Variants in UFL1 observed in about 807,000 individuals in gnomAD.
UFL1 encodes the protein UFM1 specific ligase 1.
A neutral mutation model predicts 99.3 loss-of-function variants in UFL1; 78 were observed. That is an observed-to-expected ratio of 0.79 (90% CI 0.65 to 0.95). UFL1 has a LOEUF of 0.95. Among genes scored for constraint, UFL1 ranks in the 40% least tolerant of loss-of-function variants. The pLI, the probability that UFL1 is intolerant of heterozygous loss-of-function variation, is 0.00. For missense variants in UFL1, 936 were observed against 937.0 expected (o/e 1.00, Z 0.01); for synonymous variants, 335 against 322.2 (o/e 1.04, Z -0.42).
Position 96,523,101 on chromosome 6 carries a change from A to G in UFL1, c.78-45A>G, listed in dbSNP as rs199553936. 507 of 1,551,418 alleles carry G rather than the reference A, an allele frequency of 3.3e-4. 2 individuals carry two copies. The highest frequency in any genetic ancestry group is 1.7e-3 in the Middle Eastern group (10 of 5,818). ...ATTGTATTAATTTTATTGAGCGCCA[A>G]TGTCTCAAGTGGACTTTTGAAACAA... On this transcript the variant is annotated intron_variant, in intron 1 of 18. Transcript: ENST00000369278.
At chr6:96,552,460 G>A in intron 17 of UFL1, 22 bp from the exon 18 acceptor site, 2 of 1,500,326 alleles carry the variant, frequency 1.3e-6, no homozygotes, top group Non-Finnish European at 1.8e-6. Flanking sequence ...TAATGAATTT[G>A]TGTGCTTTTT....
At position 96,553,721 on chromosome 6, in the gene UFL1, G is replaced by T. The variant is rs1770114864; in HGVS notation, c.*218G>T. ...TCTTCATGGAAGTTTTTTTCCACCT[G>T]ATTTTCACACAAATACTATATGAAA... On this transcript the variant is annotated 3_prime_UTR_variant, in exon 19 of 19. Transcript: ENST00000369278. 2.5e-6 allele frequency: 1 copy of T among 403,404 alleles called. No homozygotes were observed. Among genetic ancestry groups the T allele is most frequent in the East Asian group, 3.6e-5 (1 of 28,086 alleles). 25.0% of individuals were successfully genotyped at this position (403,404 alleles called of 1,614,324 possible).
Position 96,521,865 on chromosome 6 carries a change from C to A in UFL1, c.-9C>A. 6.2e-7 allele frequency: 1 copy of A among 1,610,804 alleles called. No homozygotes were observed. Among genetic ancestry groups the A allele is most frequent in the Non-Finnish European group, 8.5e-7 (1 of 1,178,970 alleles). ...CAGTTCCTCCGCGTCTACTGCGAGT[C>A]AGGCCGTGATGGCGGACGCCTGGGA... On this transcript the variant is annotated 5_prime_UTR_variant, in exon 1 of 19. Transcript: ENST00000369278.
rs778102518 is a variant in UFL1 at position 96,534,340 on chromosome 6, A to G, written c.655+19A>G. ...CTTTACTGTGAGTTTGGTTTAAATT[A>G]TATTTACTTAATTAGCTGCTGAATA... On this transcript the variant is annotated intron_variant, in intron 7 of 18. Transcript: ENST00000369278. 2.0e-6 allele frequency: 3 copies of G among 1,522,160 alleles called. No homozygotes were observed. The highest frequency in any genetic ancestry group is 2.7e-6 in the Non-Finnish European group (3 of 1,124,728). 94.3% of individuals were successfully genotyped at this position (1,522,160 alleles called of 1,614,324 possible).
At chr6:96,551,387 C>A in intron 15 of UFL1, 46 bp from the exon 16 acceptor site, 1 of 1,017,516 alleles carries the variant, frequency 9.8e-7, no homozygotes, top group Non-Finnish European at 1.5e-6. Flanking sequence ...ATATCCATTG[C>A]ATGTCAAAAG....
At chr6:96,534,661 A>T (rs1234479065) in intron 7 of UFL1, among the ~76,000 whole-genome samples, 2 of 151,962 alleles carry the variant, frequency 1.3e-5, no homozygotes, top group African/African-American at 4.8e-5. Context: ...ATTTTGTTAC[A>T]TTATCTAATA....
chr6:96,543,279 T>C (rs1769955729), intron 12 of UFL1, among the ~76,000 whole-genome samples: 1 of 151,164 alleles, frequency 6.6e-6, no homozygotes, highest in South Asian at 2.1e-4. Flanking sequence ...CACAAATCAG[T>C]ACATAAATAA....
intron 18 of UFL1, 30 bp downstream of exon 18, chr6:96,552,692 TC>T: frequency 6.4e-7 from 1 of 1,554,628 alleles, no homozygotes. Context: ...CTTGAAACTT[TC>T]AAAGATTTAC....
In UFL1 at chr6:96,553,547, A is replaced by G. The variant is rs375080366; in HGVS notation, c.*44A>G. 3.1e-5 allele frequency: 48 copies of G among 1,568,898 alleles called. No homozygotes were observed. The African/African-American group carries it at 5.7e-4, about 19-fold the overall frequency. ...GTCATATAGTAAGCATTTTCCCCCA[A>G]GGTTGAAGGTGAGTGGTCACAAAAA... is the stretch of plus-strand genomic sequence containing the variant. On this transcript the variant is annotated 3_prime_UTR_variant, in exon 19 of 19. Coordinates refer to ENST00000369278, the MANE Select transcript of UFL1 (RefSeq NM_015323.5).
rs779507355 is a variant in UFL1 at position 96,552,575 on chromosome 6, G to A, written c.2079G>A (p.Leu693=). The A allele has an allele frequency of 1.9e-5, 31 of 1,612,858 alleles. No homozygotes were observed. In the South Asian group the frequency reaches 2.9e-4, roughly 15 times the overall value. ...ALILHLTSVL[L]FQFSTHSMLH... is the part of the protein sequence containing the mutation. ...TTCTGCACCTCACATCAGTCCTGTT[G>A]TTTCAGTTTTCAACCCACAGCATGC... The change falls in exon 18 of 19, where the codon TTG becomes TTA. Residue 693 remains leucine (L), a synonymous_variant. Coordinates refer to ENST00000369278, the MANE Select transcript of UFL1 (RefSeq NM_015323.5).
chr6:96,540,790 A>C (rs1562254608), intron 11 of UFL1, 135 bp downstream of exon 11: 1 of 1,034,676 alleles, frequency 9.7e-7, no homozygotes, highest in East Asian at 3.0e-5. Context: ...TATCAACCAA[A>C]TATTTTGCTA....
chr6:96,522,699 C>G (rs1017023581), intron 1 of UFL1, among the ~76,000 whole-genome samples: 1 of 152,146 alleles, frequency 6.6e-6, no homozygotes, highest in South Asian at 2.1e-4. Context: ...TTCACTAGGC[C>G]ACATCCCCTG....
Position 96,521,831 on chromosome 6 carries a change from A to T in UFL1, c.-43A>T. ...CTCTTCTCCCACCGCCTGTCGGCTG[A>T]CGTGTCTGCAGTTCCTCCGCGTCTA... On this transcript the variant is annotated 5_prime_UTR_variant, in exon 1 of 19. Transcript: ENST00000369278. 1 of 1,588,910 alleles carries T rather than the reference A, an allele frequency of 6.3e-7. No individual in the cohort carries two copies. The highest frequency in any genetic ancestry group is 8.6e-7 in the Non-Finnish European group (1 of 1,168,064).
chr6:96,529,751 T>A (rs1769754684), intron 6 of UFL1, among the ~76,000 whole-genome samples: 1 of 152,204 alleles, frequency 6.6e-6, no homozygotes, highest in Admixed American at 6.5e-5. Context: ...TTTCCCTTTT[T>A]GTCATTCAAC....
At chr6:96,539,022 T>A (rs1769893899) in intron 10 of UFL1, among the ~76,000 whole-genome samples, 1 of 151,666 alleles carries the variant, frequency 6.6e-6, no homozygotes, top group South Asian at 2.1e-4. Context: ...GGGAACTGAC[T>A]TTATAAATTA....
At chr6:96,530,662 C>G (rs1295337923) in intron 6 of UFL1, among the ~76,000 whole-genome samples, 3 of 152,122 alleles carry the variant, frequency 2.0e-5, no homozygotes, top group African/African-American at 7.2e-5. Flanking sequence ...CTGCAGGTTG[C>G]CTTTTGCATA....
intron 8 of UFL1, among the ~76,000 whole-genome samples, 168 bp from the exon 9 acceptor site, chr6:96,537,206 T>C (rs900011878): frequency 6.6e-6 from 1 of 151,854 alleles, no homozygotes; most frequent in Non-Finnish European, 1.5e-5. Context: ...GATTAGAACT[T>C]TGTTATAACT....
chr6:96,553,616 A>C lies in UFL1; in HGVS notation c.*113A>C. 5.6e-6 allele frequency: 4 copies of C among 716,830 alleles called. No homozygotes were observed. Among genetic ancestry groups the C allele is most frequent in the Non-Finnish European group, 9.2e-6 (4 of 436,096 alleles). 44.4% of individuals were successfully genotyped at this position (716,830 alleles called of 1,614,324 possible). On this transcript the variant is annotated 3_prime_UTR_variant, in exon 19 of 19. Transcript: ENST00000369278. ...CCCCTCTCCCTGCAAAAACCACCTC[A>C]TACACACACAATTCAGTTAAAACAG...
In UFL1 at chr6:96,552,374, A is replaced by T. The variant is rs1236813927; in HGVS notation, c.1986-108A>T. 7.3e-6 allele frequency: 9 copies of T among 1,238,644 alleles called. No homozygotes were observed. In the Admixed American group the frequency reaches 2.9e-4, roughly 39 times the overall value. The allele number at this position is 1,238,644 out of a possible 1,614,324, so 76.7% of individuals were successfully genotyped here. On this transcript the variant is annotated intron_variant, in intron 17 of 18. Transcript: ENST00000369278. ...GAAAAGTTACCTTAAATTTTTATGG[A>T]ATTAGATAAACTAGAGAAGCTAAAA... is the stretch of plus-strand genomic sequence containing the variant.
Sources: allele counts gnomAD v4.1 joint callset (sites outside exome capture counted in the v4.1 genomes callset), GRCh38; gene constraint gnomAD v4.1.1; transcripts MANE v1.5; gene names NCBI Gene and HGNC (gene_info 2026-07-23, HGNC 2026-07-21).